Variants in SLC15A5 observed in about 807,000 individuals in gnomAD.
SLC15A5 encodes solute carrier family 15 member 5.
SLC15A5 carries 58 observed loss-of-function variants against 56.1 expected under a neutral mutation model. The ratio of observed to expected loss-of-function variants is 1.03; its 90% confidence interval spans 0.84 to 1.29. The LOEUF (loss-of-function observed/expected upper bound fraction) is 1.29, where lower values mean the gene tolerates loss of function less well. Among genes scored for constraint, SLC15A5 ranks in the 50% most tolerant of loss-of-function variants. The pLI, the probability that SLC15A5 is intolerant of heterozygous loss-of-function variation, is 0.00. For synonymous variants in SLC15A5, 264 were observed against 250.5 expected, an observed-to-expected ratio of 1.05 and a Z score of -0.51; for missense variants, 681 against 672.1, an observed-to-expected ratio of 1.01 and a Z score of -0.15.
chr12:16,215,706 C>T (rs1456788480), intron 7 of SLC15A5, among the ~76,000 whole-genome samples: 1 of 152,202 alleles, frequency 6.6e-6, no homozygotes, highest in Non-Finnish European at 1.5e-5. Context: ...AAATATTCAA[C>T]ACACACTTCA....
intron 4 of SLC15A5, among the ~76,000 whole-genome samples, chr12:16,241,352 A>T (rs182749037): frequency 1.3e-5 from 2 of 152,242 alleles, no homozygotes; most frequent in African/African-American, 4.8e-5. Flanking sequence ...TCTAGACTCA[A>T]TTGTACAATT....
At position 16,271,732 on chromosome 12, in the gene SLC15A5, G is replaced by A. The variant is rs1272190227; in HGVS notation, c.584+829C>T. Among the ~76,000 whole-genome samples the A allele has an allele frequency of 1.3e-5, 2 of 152,046 alleles. No homozygotes were observed. Among genetic ancestry groups the A allele is most frequent in the Non-Finnish European group, 2.9e-5 (2 of 67,988 alleles). On this transcript the variant is annotated intron_variant, in intron 2 of 8. Transcript: ENST00000344941. The surrounding 1 kb of genome is among the most constrained non-coding windows in gnomAD (Gnocchi z 8.0). ...CTGATAGATAACAAAGAATAACAAAGAAGTTTTATACTAAATTCTTAACTA... is the reference window on the plus strand; with the variant it reads ...CTGATAGATAACAAAGAATAACAAAAAAGTTTTATACTAAATTCTTAACTA...
chr12:16,249,409 C>T (rs1484762461), intron 3 of SLC15A5, among the ~76,000 whole-genome samples: 2 of 152,036 alleles, frequency 1.3e-5, no homozygotes, highest in African/African-American at 4.8e-5. Flanking sequence ...AGTTTTACTT[C>T]ATCATAGTTG....
At chr12:16,250,329 A>G (rs1200274663) in intron 3 of SLC15A5, among the ~76,000 whole-genome samples, 8 of 152,044 alleles carry the variant, frequency 5.3e-5, no homozygotes, top group Non-Finnish European at 1.2e-4. Context: ...TCAGAGTGCT[A>G]CAGGAGCAGA....
intron 7 of SLC15A5, among the ~76,000 whole-genome samples, chr12:16,204,284 T>C (rs7975317): frequency 0.52 from 79,577 of 151,586 alleles, 21,305 homozygotes; most frequent in South Asian, 0.73. Flanking sequence ...GGTGAAACCC[T>C]GTCTCTACTA....
chr12:16,231,224 T>C (rs1864294621), intron 5 of SLC15A5, among the ~76,000 whole-genome samples: 1 of 152,204 alleles, frequency 6.6e-6, no homozygotes, highest in Admixed American at 6.5e-5. Context: ...TTATCTACAT[T>C]CCAATATCTA....
intron 8 of SLC15A5, 72 bp downstream of exon 8, chr12:16,194,273 G>T: frequency 1.1e-6 from 1 of 894,846 alleles, no homozygotes; most frequent in Non-Finnish European, 1.7e-6. Context: ...AGAATTCCCT[G>T]GCTCAGTGAT....
chr12:16,266,270 A>G (rs1438484002), intron 2 of SLC15A5, among the ~76,000 whole-genome samples: 2 of 151,864 alleles, frequency 1.3e-5, no homozygotes, highest in East Asian at 3.8e-4. Flanking sequence ...GCACTGTTAC[A>G]GTGCTTTCAG....
At chr12:16,238,752 C>T (rs943288589) in intron 5 of SLC15A5, among the ~76,000 whole-genome samples, 3 of 152,068 alleles carry the variant, frequency 2.0e-5, no homozygotes, top group African/African-American at 7.2e-5. Flanking sequence ...GTTACCATTG[C>T]ATGATATTAC....
chr12:16,204,435 C>CAAA (rs34486958), intron 7 of SLC15A5, among the ~76,000 whole-genome samples: 2 of 136,488 alleles, frequency 1.5e-5, no homozygotes, highest in Non-Finnish European at 3.1e-5. Context: ...GACACTGTCT[C>CAAA]AAAAAAAAAA....
chr12:16,231,870 G>A (rs1036215276), intron 5 of SLC15A5, among the ~76,000 whole-genome samples: 1 of 152,186 alleles, frequency 6.6e-6, no homozygotes, highest in Non-Finnish European at 1.5e-5. Context: ...GGAGGCTGAA[G>A]AAATCTTCTC....
chr12:16,193,748 A>AAAGTAC (rs111257494), intron 8 of SLC15A5, among the ~76,000 whole-genome samples: 34,386 of 142,848 alleles, frequency 0.24, 4,667 homozygotes, highest in African/African-American at 0.28. Context: ...AATTTTCTCA[A>AAAGTAC]AAGTACACAG....
intron 6 of SLC15A5, among the ~76,000 whole-genome samples, chr12:16,221,191 C>A (rs1030677526): frequency 1.3e-5 from 2 of 152,126 alleles, no homozygotes; most frequent in African/African-American, 4.8e-5. Flanking sequence ...ATTTATTGAT[C>A]ACCTATTTTG....
chr12:16,240,961 C>T (rs1260768261), intron 4 of SLC15A5, among the ~76,000 whole-genome samples: 1 of 151,912 alleles, frequency 6.6e-6, no homozygotes, highest in East Asian at 1.9e-4. Flanking sequence ...TACAGGCGCC[C>T]GCCACCACGC....
intron 2 of SLC15A5, among the ~76,000 whole-genome samples, chr12:16,266,648 G>T (rs1172248050): frequency 2.0e-5 from 3 of 152,154 alleles, no homozygotes; most frequent in South Asian, 4.1e-4. Flanking sequence ...AATTGTATAT[G>T]TATCATCTAT....
chr12:16,216,189 A>G (rs1591644893), intron 7 of SLC15A5, among the ~76,000 whole-genome samples: 1 of 152,298 alleles, frequency 6.6e-6, no homozygotes, highest in African/African-American at 2.4e-5. Context: ...TTAAAGATAT[A>G]TCGACATTTT....
At chr12:16,212,036 A>G (rs991194671) in intron 7 of SLC15A5, among the ~76,000 whole-genome samples, 6 of 152,180 alleles carry the variant, frequency 3.9e-5, no homozygotes, top group African/African-American at 9.7e-5. Context: ...CTCAGCTGAC[A>G]TGAATCCTTA....
rs1864432312 is a variant in SLC15A5 at position 16,243,493 on chromosome 12, G to A, written c.975+1087C>T. The stretch of plus-strand genomic sequence containing the variant: ...CAAAGTGCTGGGATTACAGGTGTAA[G>A]CCACCACGCTGGGCTAAATTTTATA... On this transcript the variant is annotated intron_variant, in intron 4 of 8. Coordinates refer to ENST00000344941, the MANE Select transcript of SLC15A5 (RefSeq NM_001170798.1). This position sits in a 1 kb window ranked among gnomAD's most constrained non-coding sequence, Gnocchi z 4.4. Among the ~76,000 whole-genome samples the A allele has an allele frequency of 6.6e-6, 1 of 152,172 alleles. No individual in the cohort carries two copies. Among genetic ancestry groups the A allele is most frequent in the Non-Finnish European group, 1.5e-5 (1 of 68,036 alleles).
chr12:16,245,744 C>T (rs910324966), intron 3 of SLC15A5, among the ~76,000 whole-genome samples: 1 of 152,062 alleles, frequency 6.6e-6, no homozygotes, highest in African/African-American at 2.4e-5. Flanking sequence ...TTGTGTTTCT[C>T]CAAAGAAGGC....
Sources: allele counts gnomAD v4.1 joint callset (sites outside exome capture counted in the v4.1 genomes callset), GRCh38; gene constraint gnomAD v4.1.1; non-coding constraint Gnocchi (gnomAD v3.1); transcripts MANE v1.5; gene names NCBI Gene and HGNC (gene_info 2026-07-23, HGNC 2026-07-21).